SLC18A2: variants seen among roughly 807,000 people sequenced by gnomAD.
The protein encoded by SLC18A2 is synaptic vesicular amine transporter.
A neutral mutation model predicts 59.2 loss-of-function variants in SLC18A2; 33 were observed. The observed-to-expected ratio is 0.56, with a 90% CI of 0.42 to 0.75. SLC18A2 has a LOEUF of 0.75. Among genes scored for constraint, SLC18A2 ranks in the 30% least tolerant of loss-of-function variants. SLC18A2 has a pLI of 0.00. For synonymous variants in SLC18A2, 228 were observed against 253.5 expected (o/e 0.90, Z 0.95); for missense variants, 569 against 668.6 (o/e 0.85, Z 1.64).
chr10:117,248,201 G>A (rs769275269), intron 3 of SLC18A2, among the ~76,000 whole-genome samples: 8 of 152,120 alleles, frequency 5.3e-5, no homozygotes, highest in Non-Finnish European at 1.2e-4. Context: ...CTGACCTCAA[G>A]TGATCCTCCT....
chr10:117,266,641 T>C, intron 10 of SLC18A2, 92 bp from the exon 11 acceptor site: 1 of 1,000,746 alleles, frequency 1.0e-6, no homozygotes, highest in Non-Finnish European at 1.5e-6. Flanking sequence ...TTTTATCTGC[T>C]CTCATCAACA....
At chr10:117,262,980 G>T (rs1328586035) in intron 10 of SLC18A2, among the ~76,000 whole-genome samples, 2 of 152,230 alleles carry the variant, frequency 1.3e-5, no homozygotes, top group Non-Finnish European at 2.9e-5. Flanking sequence ...GCCATCAGGG[G>T]CAGATAGCAG....
chr10:117,251,983 G>GA (rs1382720532), intron 3 of SLC18A2, among the ~76,000 whole-genome samples: 2 of 151,916 alleles, frequency 1.3e-5, no homozygotes, highest in Non-Finnish European at 2.9e-5. Flanking sequence ...TTTTGAGACA[G>GA]AATCTCGCTC....
intron 6 of SLC18A2, among the ~76,000 whole-genome samples, chr10:117,254,705 C>G (rs1309159433): frequency 2.6e-5 from 4 of 152,142 alleles, no homozygotes; most frequent in Non-Finnish European, 5.9e-5. Flanking sequence ...CTTCCCCTGC[C>G]TCTGCCCCAA....
intron 10 of SLC18A2, among the ~76,000 whole-genome samples, chr10:117,259,680 C>G (rs1844272270): frequency 6.6e-6 from 1 of 152,244 alleles, no homozygotes; most frequent in Admixed American, 6.5e-5. Flanking sequence ...CTGTTGTCTT[C>G]TAGCATCCAG....
At chr10:117,267,859 G>T (rs1051342806) in intron 13 of SLC18A2, 123 bp downstream of exon 13, 8 of 641,202 alleles carry the variant, frequency 1.2e-5, no homozygotes, top group Non-Finnish European at 1.9e-5. Flanking sequence ...GAGGCTGCAG[G>T]CAGCTTAGCT....
At chr10:117,265,834 A>G (rs1844341377) in intron 10 of SLC18A2, among the ~76,000 whole-genome samples, 1 of 152,188 alleles carries the variant, frequency 6.6e-6, no homozygotes, top group Non-Finnish European at 1.5e-5. Context: ...TCACGCCTGT[A>G]ATCCCAGCAC....
Position 117,277,260 on chromosome 10 carries a change from T to A in SLC18A2, c.1539T>A (p.Ser513Arg), listed in dbSNP as rs1427375675. 6.4e-7 allele frequency: 1 copy of A among 1,571,968 alleles called. No individual in the cohort carries two copies. Among genetic ancestry groups the A allele is most frequent in the Admixed American group, 1.7e-5 (1 of 59,142 alleles). The change falls in exon 16 of 16, where the codon AGT becomes AGA. Residue 513 changes from serine (S) to arginine (R), a missense_variant. Physicochemically the swap from Ser to Arg is moderately radical, Grantham distance 110. Around this residue, in one of 2 missense-constraint regions of SLC18A2, gnomAD observed 192 missense variants for 278.8 expected, o/e 0.69. Coordinates refer to ENST00000644641, the MANE Select transcript of SLC18A2 (RefSeq NM_003054.6). ...YPIGEDEESE[S>R]D ...TAGGTGAAGATGAAGAATCTGAAAG[T>A]GACTGAGATGAGATCCTCAAAAATC...
At chr10:117,262,498 C>G (rs571383426) in intron 10 of SLC18A2, among the ~76,000 whole-genome samples, 4 of 152,064 alleles carry the variant, frequency 2.6e-5, no homozygotes, top group South Asian at 2.1e-4. Context: ...TTGCTCATAC[C>G]CGCTGCTGAC....
At chr10:117,267,081 A>G (rs1844357757) in intron 12 of SLC18A2, 46 bp downstream of exon 12, 1 of 1,469,754 alleles carries the variant, frequency 6.8e-7, no homozygotes, top group Admixed American at 1.8e-5. Flanking sequence ...TCTGTGAATA[A>G]AACTTGCGCT....
intron 15 of SLC18A2, among the ~76,000 whole-genome samples, chr10:117,275,606 G>T (rs1031078994): frequency 6.6e-6 from 1 of 152,114 alleles, no homozygotes; most frequent in Non-Finnish European, 1.5e-5. Flanking sequence ...CCCCATCCTA[G>T]CTGTACACCC....
chr10:117,276,728 ATG>A (rs1673666575), intron 15 of SLC18A2, among the ~76,000 whole-genome samples: 1 of 152,048 alleles, frequency 6.6e-6, no homozygotes, highest in Admixed American at 6.6e-5. Flanking sequence ...CATTTCTCAC[ATG>A]TGAGGGCTTC....
At chr10:117,273,466 A>C (rs188076722) in intron 15 of SLC18A2, among the ~76,000 whole-genome samples, 1 of 152,316 alleles carries the variant, frequency 6.6e-6, no homozygotes, top group East Asian at 1.9e-4. Context: ...CAAGACAAGA[A>C]ATTAGGTGGT....
chr10:117,254,897 A>G (rs2072364), intron 6 of SLC18A2, among the ~76,000 whole-genome samples: 136,564 of 151,972 alleles, frequency 0.9, 61,494 homozygotes, highest in Middle Eastern at 0.95. Context: ...GGGATTCAAA[A>G]CCTTTTCCTT....
intron 6 of SLC18A2, 34 bp from the exon 7 acceptor site, chr10:117,255,243 C>G: frequency 6.3e-7 from 1 of 1,585,562 alleles, no homozygotes; most frequent in Admixed American, 1.7e-5. Context: ...GGCATGTGTC[C>G]CAGGGGTGGT....
intron 10 of SLC18A2, 141 bp from the exon 11 acceptor site, chr10:117,266,592 C>A: frequency 3.0e-6 from 2 of 671,254 alleles, no homozygotes; most frequent in Non-Finnish European, 5.1e-6. Flanking sequence ...CCGGCAGGCG[C>A]CGGATATTAG....
At chr10:117,264,913 A>ACCTGTG (rs1844332343) in intron 10 of SLC18A2, among the ~76,000 whole-genome samples, 1 of 152,026 alleles carries the variant, frequency 6.6e-6, no homozygotes, top group Non-Finnish European at 1.5e-5. Flanking sequence ...AGAGCATGAC[A>ACCTGTG]CCTGTGTTTT....
chr10:117,263,663 G>A (rs999991378), intron 10 of SLC18A2, among the ~76,000 whole-genome samples: 2 of 152,130 alleles, frequency 1.3e-5, no homozygotes, highest in African/African-American at 2.4e-5. Context: ...TGAGTTCTAG[G>A]TCAGATGGCC....
rs147520838 is a variant in SLC18A2 at position 117,243,866 on chromosome 10, G to A, written c.122-105G>A. 1.1e-3 allele frequency: 959 copies of A among 864,414 alleles called. 7 individuals are homozygous for A. In the African/African-American group the frequency reaches 0.014, roughly 12 times the overall value. The allele number at this position is 864,414 out of a possible 1,614,324, so 53.5% of individuals were successfully genotyped here. A position where few individuals can be genotyped will look rare whatever the true frequency, so the allele number is the denominator to read the frequency against. The stretch of plus-strand genomic sequence containing the variant: ...TTCCCAAAGTCCTGGAATTACAGGT[G>A]TGAGCCACTGCTCCCTGCCGACACA... On this transcript the variant is annotated intron_variant, in intron 2 of 15. Coordinates refer to ENST00000644641, the MANE Select transcript of SLC18A2 (RefSeq NM_003054.6).
Sources: gnomAD v4.1 joint callset for allele counts (sites outside exome capture counted in the v4.1 genomes callset) on GRCh38, gnomAD v4.1.1 for gene constraint, gnomAD v4.1.1 regional missense constraint, MANE v1.5 for transcripts, NCBI Gene and HGNC (gene_info 2026-07-23, HGNC 2026-07-21) for gene names.